Variants in DPP6 observed in about 807,000 individuals in gnomAD.
DPP6 encodes the protein A-type potassium channel modulatory protein DPP6.
DPP6 carries 69 observed loss-of-function variants against 122.6 expected under a neutral mutation model. That is an observed-to-expected ratio of 0.56 (90% CI 0.46 to 0.69). The LOEUF (loss-of-function observed/expected upper bound fraction) is 0.69. Among genes scored for constraint, DPP6 ranks in the 30% least tolerant of loss-of-function variants. The probability of loss-of-function intolerance (pLI) is 0.00; values close to 1 mark genes in which losing one functional copy is unlikely to be tolerated. For missense variants in DPP6, 928 were observed against 1,116.9 expected (o/e 0.83, Z 2.41); for synonymous variants, 418 against 433.1 (o/e 0.97, Z 0.43).
intron 1 of DPP6, among the ~76,000 whole-genome samples, chr7:154,173,069 G>A (rs577812226): frequency 6.6e-6 from 1 of 152,280 alleles, no homozygotes; most frequent in East Asian, 1.9e-4. Flanking sequence ...TCGCTTTCCT[G>A]GTGGGTTATG....
At chr7:154,075,380 A>G (rs1222512096) in intron 1 of DPP6, among the ~76,000 whole-genome samples, 5 of 151,930 alleles carry the variant, frequency 3.3e-5, no homozygotes, top group African/African-American at 1.2e-4. Context: ...AGTACAACTC[A>G]CAATTGCAAA....
intron 1 of DPP6, among the ~76,000 whole-genome samples, chr7:153,977,985 G>T (rs1300869910): frequency 6.6e-6 from 1 of 152,028 alleles, no homozygotes; most frequent in Non-Finnish European, 1.5e-5. Flanking sequence ...CCAAGTCTTT[G>T]CTATTGTGAA....
intron 4 of DPP6, among the ~76,000 whole-genome samples, chr7:154,554,603 G>C (rs560058325): frequency 1.3e-5 from 2 of 152,152 alleles, no homozygotes; most frequent in South Asian, 4.2e-4. Flanking sequence ...AACATGCCTA[G>C]AATTTTATAT....
At chr7:154,480,289 T>C (rs1823145368) in intron 3 of DPP6, among the ~76,000 whole-genome samples, 1 of 152,188 alleles carries the variant, frequency 6.6e-6, no homozygotes, top group Non-Finnish European at 1.5e-5. Context: ...AGCAGTCTTC[T>C]ATCTGTAACA....
In DPP6 at chr7:154,071,446, C is replaced by G. The variant is rs527465659; in HGVS notation, c.243+18383C>G. 5.3e-5 allele frequency among the ~76,000 whole-genome samples: 8 copies of G among 152,366 alleles called. No homozygotes were observed. The South Asian group carries it at 1.7e-3, about 32-fold the overall frequency. ...GATTTCTAAAGCCGTATTCCTTCCACTGCCCTGGTTCACATGTTAGAATGT... is the reference window on the plus strand; with the variant it reads ...GATTTCTAAAGCCGTATTCCTTCCAGTGCCCTGGTTCACATGTTAGAATGT... On this transcript the variant is annotated intron_variant, in intron 1 of 25. Coordinates refer to ENST00000377770, the MANE Select transcript of DPP6 (RefSeq NM_130797.4).
At chr7:154,298,815 C>T (rs1157424697) in intron 1 of DPP6, among the ~76,000 whole-genome samples, 2 of 152,138 alleles carry the variant, frequency 1.3e-5, no homozygotes, top group Non-Finnish European at 2.9e-5. Context: ...GAGGGACAGA[C>T]TTTGGACCAA....
the DPP6 span, among the ~76,000 whole-genome samples, chr7:153,777,487 A>G: frequency 7.8e-6 from 1 of 128,862 alleles, no homozygotes; most frequent in Non-Finnish European, 1.6e-5. Flanking sequence ...GAAACTACTT[A>G]GGTAACTTTC....
At chr7:154,861,718 C>T (rs1318283904) in intron 17 of DPP6, among the ~76,000 whole-genome samples, 1 of 152,186 alleles carries the variant, frequency 6.6e-6, no homozygotes, top group Non-Finnish European at 1.5e-5. Context: ...CTCTGAGATG[C>T]ATCTCTTAGC....
intron 9 of DPP6, among the ~76,000 whole-genome samples, chr7:154,770,258 G>A (rs761823850): frequency 9.9e-5 from 15 of 152,182 alleles, no homozygotes; most frequent in Admixed American, 5.9e-4. Context: ...TGAAAGGCAC[G>A]TCTTACATGG....
At chr7:154,475,738 C>G (rs13230019) in intron 3 of DPP6, 1 of 152,282 alleles carries the variant, frequency 6.6e-6, no homozygotes, top group Non-Finnish European at 1.5e-5. Flanking sequence ...CATCCCTCCA[C>G]AGGCCAAGTT....
chr7:154,683,728 C>T (rs1448765933), intron 7 of DPP6, among the ~76,000 whole-genome samples: 1 of 152,186 alleles, frequency 6.6e-6, no homozygotes, highest in African/African-American at 2.4e-5. Context: ...GCCATCACTC[C>T]CCTGACCTCT....
the DPP6 span, among the ~76,000 whole-genome samples, chr7:153,804,465 C>T: frequency 1.3e-5 from 2 of 152,150 alleles, no homozygotes; most frequent in Non-Finnish European, 2.9e-5. Context: ...TGGATCTTTA[C>T]AAACCCTATC....
intron 1 of DPP6, chr7:154,305,335 T>TTGGGCCCC: frequency 4.9e-6 from 5 of 1,024,742 alleles, no homozygotes; most frequent in South Asian, 3.0e-5. Context: ...TCGTCTTGTC[T>TTGGGCCCC]ACCCACCCTC....
At chr7:154,050,398 A>G (rs1016024356), upstream of DPP6, among the ~76,000 whole-genome samples, 1 of 152,116 alleles carries the variant, frequency 6.6e-6, no homozygotes, top group African/African-American at 2.4e-5. Context: ...TTAGTATGAC[A>G]TTTAGTTTGT....
At chr7:154,153,434 A>G (rs113953840) in intron 1 of DPP6, among the ~76,000 whole-genome samples, 1,452 of 132,686 alleles carry the variant, frequency 0.011, 3 homozygotes, top group African/African-American at 0.032. Flanking sequence ...CGATCTGCCC[A>G]CCTCGGCCTC....
chr7:154,499,813 G>T (rs964250206), intron 3 of DPP6, among the ~76,000 whole-genome samples: 5 of 152,096 alleles, frequency 3.3e-5, no homozygotes, highest in Non-Finnish European at 1.5e-5. Flanking sequence ...GTGTGTGGGG[G>T]TCCTAAAGAC....
intron 5 of DPP6, among the ~76,000 whole-genome samples, chr7:154,571,106 T>G (rs1373248182): frequency 1.3e-5 from 2 of 152,226 alleles, no homozygotes; most frequent in Non-Finnish European, 2.9e-5. Flanking sequence ...GTACACTTCC[T>G]GAATATTCTC....
chr7:154,682,724 CTGAT>C (rs1839359033), intron 7 of DPP6, among the ~76,000 whole-genome samples: 2 of 152,172 alleles, frequency 1.3e-5, no homozygotes, highest in Non-Finnish European at 2.9e-5. Context: ...TTTGTTAGCC[CTGAT>C]TGATTATTAG....
intron 1 of DPP6, among the ~76,000 whole-genome samples, chr7:154,253,281 C>T (rs1023269807): frequency 6.6e-6 from 1 of 152,182 alleles, no homozygotes; most frequent in African/African-American, 2.4e-5. Context: ...TAATGAGACA[C>T]TTCACACCTT....
Sources: allele counts gnomAD v4.1 joint callset (sites outside exome capture counted in the v4.1 genomes callset), GRCh38; gene constraint gnomAD v4.1.1; transcripts MANE v1.5; gene names NCBI Gene and HGNC (gene_info 2026-07-23, HGNC 2026-07-21).